SGCD: variants seen among roughly 807,000 people sequenced by gnomAD.
The protein encoded by SGCD is delta-sarcoglycan.
SGCD carries 18 observed loss-of-function variants against 36.6 expected under a neutral mutation model. The observed-to-expected ratio is 0.49, with a 90% CI of 0.34 to 0.73. The LOEUF (loss-of-function observed/expected upper bound fraction) is 0.73. SGCD is among the 30% of genes least tolerant of loss of function. The pLI, the probability that SGCD is intolerant of heterozygous loss-of-function variation, is 0.01. For synonymous variants in SGCD, 133 were observed against 130.6 expected (o/e 1.02, Z -0.12); for missense variants, 387 against 346.7 (o/e 1.12, Z -0.92).
the SGCD span, among the ~76,000 whole-genome samples, chr5:155,746,606 C>A: frequency 2.0e-5 from 3 of 152,074 alleles, no homozygotes; most frequent in African/African-American, 7.2e-5. Flanking sequence ...TCTTAAGTCT[C>A]TGCTTTTGTC....
intron 3 of SGCD, among the ~76,000 whole-genome samples, chr5:156,443,649 G>A (rs371883394): frequency 3.3e-5 from 5 of 152,188 alleles, no homozygotes; most frequent in African/African-American, 4.8e-5. Flanking sequence ...TAGGAGCAAC[G>A]GGAGCACTAG....
intron 1 of SGCD, among the ~76,000 whole-genome samples, chr5:156,117,141 G>T (rs192839952): frequency 4.3e-4 from 65 of 152,154 alleles, no homozygotes; most frequent in African/African-American, 1.4e-3. Flanking sequence ...TGGCTCTGTA[G>T]TACATACTTG....
At chr5:156,503,562 G>A (rs1413381567) in intron 3 of SGCD, among the ~76,000 whole-genome samples, 1 of 152,134 alleles carries the variant, frequency 6.6e-6, no homozygotes, top group African/African-American at 2.4e-5. Flanking sequence ...GTATATTGAG[G>A]ATTGGGTTAC....
chr5:156,128,355 T>G (rs928416713), intron 3 of SGCD, among the ~76,000 whole-genome samples: 1 of 152,228 alleles, frequency 6.6e-6, no homozygotes, highest in Admixed American at 6.5e-5. Flanking sequence ...TCCAAGTATC[T>G]GCTTTAAGAC....
At chr5:156,270,811 C>G (rs1012890675) in intron 3 of SGCD, among the ~76,000 whole-genome samples, 1 of 151,994 alleles carries the variant, frequency 6.6e-6, no homozygotes, top group Admixed American at 6.6e-5. Flanking sequence ...GGTTAAGCCA[C>G]AATATACAGT....
chr5:155,980,595 A>C (rs1279730874), intron 1 of SGCD, among the ~76,000 whole-genome samples: 1 of 18,630 alleles, frequency 5.4e-5, no homozygotes, highest in Non-Finnish European at 1.2e-4. Context: ...ATCAAAAAAA[A>C]AAAAAAAAAA....
chr5:156,014,854 T>A (rs1202754864), intron 1 of SGCD, among the ~76,000 whole-genome samples: 2 of 152,232 alleles, frequency 1.3e-5, no homozygotes, highest in African/African-American at 2.4e-5. Context: ...TATAGCGTTT[T>A]GCACTTTGGG....
chr5:156,086,852 T>G (rs1166622244), intron 1 of SGCD, among the ~76,000 whole-genome samples: 1 of 152,212 alleles, frequency 6.6e-6, no homozygotes, highest in African/African-American at 2.4e-5. Flanking sequence ...TGGTTACAAC[T>G]CTCTGCTGGC....
intron 1 of SGCD, among the ~76,000 whole-genome samples, chr5:156,068,825 T>G (rs1398613067): frequency 1.3e-5 from 2 of 151,898 alleles, no homozygotes; most frequent in Non-Finnish European, 2.9e-5. Flanking sequence ...CTAACTGGTG[T>G]GAGATGGTAT....
intron 7 of SGCD, among the ~76,000 whole-genome samples, chr5:156,707,788 T>C (rs1296142330): frequency 1.3e-5 from 2 of 152,164 alleles, no homozygotes; most frequent in African/African-American, 4.8e-5. Flanking sequence ...GAATTCTGTG[T>C]ACCTGAGAAA....
chr5:156,689,371 C>G (rs1303974567), intron 7 of SGCD, among the ~76,000 whole-genome samples: 2 of 152,106 alleles, frequency 1.3e-5, no homozygotes, highest in Non-Finnish European at 2.9e-5. Flanking sequence ...ACATGGAATT[C>G]CCGAAGATCT....
At chr5:156,216,639 A>G (rs924389527) in intron 3 of SGCD, among the ~76,000 whole-genome samples, 5 of 152,352 alleles carry the variant, frequency 3.3e-5, no homozygotes, top group African/African-American at 1.2e-4. Flanking sequence ...AAAAGCATGC[A>G]TTTGGCACAG....
At chr5:156,544,964 G>C (rs1340741634) in intron 4 of SGCD, among the ~76,000 whole-genome samples, 1 of 152,154 alleles carries the variant, frequency 6.6e-6, no homozygotes, top group African/African-American at 2.4e-5. Context: ...TTCTGACTGG[G>C]TGACCTCTTC....
chr5:156,295,809 C>A (rs1202105539), intron 3 of SGCD, among the ~76,000 whole-genome samples: 2 of 152,190 alleles, frequency 1.3e-5, no homozygotes, highest in Non-Finnish European at 2.9e-5. Flanking sequence ...AATATCCAAT[C>A]TCTAAGAGAG....
intron 1 of SGCD, among the ~76,000 whole-genome samples, chr5:156,047,097 A>AT (rs1476206263): frequency 6.6e-6 from 1 of 152,180 alleles, no homozygotes; most frequent in Non-Finnish European, 1.5e-5. Context: ...AGCTTAACCC[A>AT]TAACAAGGCC....
At chr5:156,199,515 G>A (rs1465590506) in intron 3 of SGCD, among the ~76,000 whole-genome samples, 2 of 152,054 alleles carry the variant, frequency 1.3e-5, no homozygotes, top group Non-Finnish European at 2.9e-5. Flanking sequence ...GTTAGTAATG[G>A]TAGTAGAAGC....
chr5:155,828,749 C>T, the SGCD span, among the ~76,000 whole-genome samples: 1 of 151,916 alleles, frequency 6.6e-6, no homozygotes, highest in African/African-American at 2.4e-5. Flanking sequence ...TGCAATAGCC[C>T]GATCTTGGCT....
intron 3 of SGCD, among the ~76,000 whole-genome samples, chr5:156,357,700 T>A (rs192473531): frequency 1.3e-5 from 2 of 152,300 alleles, no homozygotes; most frequent in East Asian, 3.9e-4. Flanking sequence ...ATAAATAAAG[T>A]TAAAGAATAG....
chr5:156,169,990 G>A (rs1194982937), intron 3 of SGCD, among the ~76,000 whole-genome samples: 1 of 152,140 alleles, frequency 6.6e-6, no homozygotes, highest in Non-Finnish European at 1.5e-5. Context: ...TGATCTGATT[G>A]ACTCCAAGGA....
Sources: gnomAD v4.1 joint callset for allele counts (sites outside exome capture counted in the v4.1 genomes callset) on GRCh38, gnomAD v4.1.1 for gene constraint, MANE v1.5 for transcripts, NCBI Gene and HGNC (gene_info 2026-07-23, HGNC 2026-07-21) for gene names.